The following ASB12 variants were observed in gnomAD, a reference collection of about 807,000 sequenced individuals.
The protein encoded by ASB12 is ankyrin repeat and SOCS box containing 12, also known as ankyrin repeat and SOCS box protein 12.
Under a neutral mutation model 13.7 loss-of-function variants are expected in ASB12, and 17 were observed. The ratio of observed to expected loss-of-function variants is 1.24; its 90% CI spans 0.85 to 1.86. The LOEUF (loss-of-function observed/expected upper bound fraction) is 1.86, where lower values mean the gene tolerates loss of function less well. Ranked by LOEUF, ASB12 falls within the 40% of genes most tolerant of loss-of-function variation. ASB12 has a pLI of 0.00. For missense variants in ASB12, 329 were observed against 250.5 expected (o/e 1.31, Z -2.11); for synonymous variants, 107 against 99.8 (o/e 1.07, Z -0.43).
intron 1 of ASB12, among the ~76,000 whole-genome samples, chrX:64,228,678 T>A: frequency 8.9e-6 from 1 of 112,046 alleles, no homozygotes; most frequent in Middle Eastern, 4.6e-3. Flanking sequence ...TTTCTAAGGC[T>A]ATTGCTCCCT....
chrX:64,227,492 A>G (rs1485418591), intron 1 of ASB12, among the ~76,000 whole-genome samples: 1 of 111,073 alleles, frequency 9.0e-6, no homozygotes, highest in Non-Finnish European at 1.9e-5. Flanking sequence ...TTTCTGGAAT[A>G]TCTATCCCTA....
Position 64,224,252 on chromosome X carries a change from G to T in ASB12, c.*83C>A. The stretch of plus-strand genomic sequence containing the variant: ...TACAGGAGAGCAGCTCCAGGTAAGT[G>T]GATGAGGCTGTAATGCTCTCCAGCT... On this transcript the variant is annotated 3_prime_UTR_variant, in exon 3 of 3. Transcript: ENST00000362002. 1 of 1,046,516 alleles carries T rather than the reference G, an allele frequency of 9.6e-7. No individual in the cohort carries two copies. The highest frequency in any genetic ancestry group is 2.0e-5 in the South Asian group (1 of 49,721). 86.2% of individuals were successfully genotyped at this position (1,046,516 alleles called of 1,213,427 possible). A position where few individuals can be genotyped will look rare whatever the true frequency, so the allele number is the denominator to read the frequency against.
chrX:64,228,676 G>T (rs1302415158), intron 1 of ASB12, among the ~76,000 whole-genome samples: 1 of 111,605 alleles, frequency 9.0e-6, no homozygotes, highest in African/African-American at 3.3e-5. Flanking sequence ...ATTTTCTAAG[G>T]CTATTGCTCC....
chrX:64,225,263 C>T lies in ASB12; in HGVS notation c.388G>A (p.Ala130Thr). The T allele has an allele frequency of 8.3e-7, 1 of 1,211,104 alleles. No homozygotes were observed. Among genetic ancestry groups the T allele is most frequent in the Non-Finnish European group, 1.1e-6 (1 of 895,255 alleles). ...DCVRVLLEAG[A>T]SPGGSIYNNC... is the part of the protein sequence containing the mutation. Reference sequence around the variant, plus strand: ...TTGTAGATGCTACCACCAGGAGAGGCACCAGCTTCCAAAAGCACACGTACA... The same window carrying T: ...TTGTAGATGCTACCACCAGGAGAGGTACCAGCTTCCAAAAGCACACGTACA... The change falls in exon 2 of 3, where the codon GCC becomes ACC. Residue 130 changes from alanine (A) to threonine (T), a missense_variant. Transcript: ENST00000362002.
chrX:64,225,504 A>C lies in ASB12; in HGVS notation c.147T>G (p.Tyr49Ter). 8.3e-7 allele frequency: 1 copy of C among 1,210,659 alleles called. No homozygotes were observed. Among genetic ancestry groups the C allele is most frequent in the Non-Finnish European group, 1.1e-6 (1 of 894,980 alleles). ...CCTGGCGCAAAAGCTGGTCCAAAGT[A>C]TAGGAGTCGTTGTCATACACTGCTT... Reference protein sequence around the residue: ...LNQAVYDNDSYTLDQLLRQER... With the variant: ...LNQAVYDNDS Residue 49 changes from tyrosine (Y) to a stop codon, truncating the protein, a stop_gained, in exon 2 of 3, where the codon TAT (tyrosine) becomes TAG (stop). Coordinates refer to ENST00000362002, the MANE Select transcript of ASB12 (RefSeq NM_130388.4). LOFTEE classifies it high-confidence loss of function.
rs1487322617 is a variant in ASB12 at position 64,225,431 on chromosome X, C to A, written c.220G>T (p.Gly74Trp). 1 of 1,209,814 alleles carries A rather than the reference C, an allele frequency of 8.3e-7. No individual in the cohort carries two copies. Among genetic ancestry groups the A allele is most frequent in the Admixed American group, 2.2e-5 (1 of 45,907 alleles). ...INSRSGWGVP[G>W]TPLRLAASYG... Reference sequence around the variant, plus strand: ...GAAGCAGCCAAGCGCAAGGGTGTCCCAGGAACACCCCAGCCACTCCTGCTG... The same window carrying A: ...GAAGCAGCCAAGCGCAAGGGTGTCCAAGGAACACCCCAGCCACTCCTGCTG... The change falls in exon 2 of 3, where the codon GGG (glycine) becomes TGG (tryptophan). Residue 74 changes from glycine to tryptophan, a missense_variant. Physicochemically the swap from Gly to Trp is radical, Grantham distance 184 (BLOSUM62 -2). Coordinates refer to ENST00000362002, the MANE Select transcript of ASB12 (RefSeq NM_130388.4).
At position 64,225,425 on chromosome X, in the gene ASB12, G is replaced by A. The variant is rs771781825; in HGVS notation, c.226C>T (p.Pro76Ser). Residue 76 changes from proline to serine, a missense_variant, in exon 2 of 3, where the codon CCC becomes TCC. Transcript: ENST00000362002. ...SRSGWGVPGT[P>S]LRLAASYGHL... ...CCATAAGAAGCAGCCAAGCGCAAGG[G>A]TGTCCCAGGAACACCCCAGCCACTC... The A allele has an allele frequency of 1.7e-6, 2 of 1,209,844 alleles. No homozygotes were observed. Among genetic ancestry groups the A allele is most frequent in the East Asian group, 5.9e-5 (2 of 33,757 alleles).
At position 64,227,734 on chromosome X, in the gene ASB12, G is replaced by A. The variant is rs538356134; in HGVS notation, c.-24-2060C>T. 6.2e-5 allele frequency among the ~76,000 whole-genome samples: 7 copies of A among 112,072 alleles called. 1 individual carries two copies. The South Asian group carries it at 2.6e-3, about 42-fold the overall frequency. Reference sequence around the variant, plus strand: ...AGTTTCTTCAAGCACTTCAAAGACAGCAGTATCACATCACCACCACTACCA... The same window carrying A: ...AGTTTCTTCAAGCACTTCAAAGACAACAGTATCACATCACCACCACTACCA... On this transcript the variant is annotated intron_variant, in intron 1 of 2. Transcript: ENST00000362002.
rs144066127 is a variant in ASB12 at position 64,224,912 on chromosome X, C to A, written c.739G>T (p.Gly247Cys). 1,647 of 1,208,573 alleles carry A rather than the reference C, an allele frequency of 1.4e-3. No individual in the cohort carries two copies. Among genetic ancestry groups the A allele is most frequent in the Non-Finnish European group, 1.5e-3 (1,364 of 894,545 alleles). The change falls in exon 2 of 3, where the codon GGT becomes TGT. Residue 247 changes from glycine (G) to cysteine (C), a missense_variant. Coordinates refer to ENST00000362002, the MANE Select transcript of ASB12 (RefSeq NM_130388.4). The stretch of plus-strand genomic sequence containing the variant: ...AGAGATGGAAGGTAGATATTAGCAC[C>A]AAAATCGATTAACAGCTGGATATAC... ...PEYIQLLIDF[G>C]ANIYLPSLSL...
At position 64,225,584 on chromosome X, in the gene ASB12, G is replaced by T. The variant is rs1054867875; in HGVS notation, c.67C>A (p.Gln23Lys). ...GTGTCCTCCTCCTCCTTGTCGGGCT[G>T]CAGGAGGGAGAAGATCTTGGTGATG... ...MDITKIFSLL[Q>K]PDKEEEDTDT... The change falls in exon 2 of 3, where the codon CAG (glutamine) becomes AAG (lysine). Residue 23 changes from glutamine to lysine, a missense_variant. Coordinates refer to ENST00000362002, the MANE Select transcript of ASB12 (RefSeq NM_130388.4). 9 of 1,205,418 alleles carry T rather than the reference G, an allele frequency of 7.5e-6. No homozygotes were observed. The highest frequency in any genetic ancestry group is 1.0e-5 in the Non-Finnish European group (9 of 891,914).
chrX:64,225,617 G>C lies in ASB12; in HGVS notation c.34C>G (p.Leu12Val). Reference protein sequence around the residue: ...RIVLQLAKMNLMDITKIFSLL... With the variant: ...RIVLQLAKMNVMDITKIFSLL... ...GAGAAGATCTTGGTGATGTCCATGA[G>C]GTTCATCTTGGCTAATTGGAGAACT... The change falls in exon 2 of 3, where the codon CTC becomes GTC. Residue 12 changes from leucine (L) to valine (V), a missense_variant. Physicochemically the swap from Leu to Val is conservative, Grantham distance 32. Transcript: ENST00000362002. 1 of 1,195,896 alleles carries C rather than the reference G, an allele frequency of 8.4e-7. No homozygotes were observed. The highest frequency in any genetic ancestry group is 1.1e-6 in the Non-Finnish European group (1 of 886,326).
chrX:64,230,591 T>C lies in ASB12; in HGVS notation c.-153A>G, dbSNP rs1363566591. 2 of 111,845 alleles carry C rather than the reference T, an allele frequency of 1.8e-5. No homozygotes were observed. The highest frequency in any genetic ancestry group is 6.5e-5 in the African/African-American group (2 of 30,724). The allele number at this position is 111,845 out of a possible 1,213,427, so 9.2% of individuals were successfully genotyped here. On this transcript the variant is annotated 5_prime_UTR_variant, in exon 1 of 3. Transcript: ENST00000362002. Reference sequence around the variant, plus strand: ...AACCTGGAGCAGCTGGGGCTCTCGTTTCCCACTGTTAACAATGCCGTTGAA... The same window carrying C: ...AACCTGGAGCAGCTGGGGCTCTCGTCTCCCACTGTTAACAATGCCGTTGAA...
At chrX:64,226,589 T>G (rs1011100013) in intron 1 of ASB12, 1 of 390,157 alleles carries the variant, frequency 2.6e-6, no homozygotes, top group African/African-American at 2.8e-5. Flanking sequence ...CTTAAGCCTT[T>G]TTCCATCCTG....
chrX:64,227,473 T>C (rs1313680251), intron 1 of ASB12, among the ~76,000 whole-genome samples: 1 of 111,279 alleles, frequency 9.0e-6, no homozygotes, highest in East Asian at 2.8e-4. Flanking sequence ...GATCTTTTCT[T>C]CCCTGACTTT....
chrX:64,226,562 G>T (rs1537764), intron 1 of ASB12, among the ~76,000 whole-genome samples: 2 of 110,861 alleles, frequency 1.8e-5, no homozygotes, highest in South Asian at 7.6e-4. Context: ...GCCAACACTG[G>T]CTCCCCATTC....
intron 1 of ASB12, among the ~76,000 whole-genome samples, chrX:64,225,949 G>A (rs770013434): frequency 2.2e-4 from 25 of 112,499 alleles, no homozygotes; most frequent in African/African-American, 8.1e-4. Flanking sequence ...TTCCTGCTCA[G>A]GGATTCTGAA....
intron 1 of ASB12, among the ~76,000 whole-genome samples, chrX:64,227,817 C>A (rs1324616429): frequency 1.8e-5 from 2 of 111,393 alleles, no homozygotes; most frequent in African/African-American, 6.5e-5. Context: ...TCAACCAAAC[C>A]AAAAACCAAG....
chrX:64,229,965 G>A (rs922812924), intron 1 of ASB12, among the ~76,000 whole-genome samples: 4 of 111,724 alleles, frequency 3.6e-5, no homozygotes, highest in Admixed American at 9.5e-5. Context: ...CCCTCTTGGT[G>A]TCTGTCAATC....
intron 1 of ASB12, among the ~76,000 whole-genome samples, chrX:64,226,987 T>G (rs946953941): frequency 9.0e-6 from 1 of 110,500 alleles, no homozygotes; most frequent in Admixed American, 9.6e-5. Context: ...GCTCCATATA[T>G]GGTGTTATTA....
Sources: gnomAD v4.1 joint callset for allele counts (sites outside exome capture counted in the v4.1 genomes callset) on GRCh38, gnomAD v4.1.1 for gene constraint, MANE v1.5 for transcripts, NCBI Gene and HGNC (gene_info 2026-07-23, HGNC 2026-07-21) for gene names.